SCAPER: variants seen among roughly 807,000 people sequenced by gnomAD.
SCAPER encodes S phase cyclin A-associated protein in the endoplasmic reticulum.
SCAPER carries 98 observed loss-of-function variants against 182.2 expected under a neutral mutation model. The ratio of observed to expected loss-of-function variants is 0.54; its 90% confidence interval spans 0.46 to 0.64. SCAPER has a LOEUF of 0.64. Ranked by LOEUF, SCAPER falls within the 30% of genes least tolerant of loss-of-function variation. The pLI is 0.00. For missense variants in SCAPER, 1,432 were observed against 1,690.0 expected (o/e 0.85, Z 2.68); for synonymous variants, 605 against 564.6 (o/e 1.07, Z -1.01).
chr15:76,785,545 A>C (rs577972961), intron 8 of SCAPER, among the ~76,000 whole-genome samples: 1 of 152,264 alleles, frequency 6.6e-6, no homozygotes, highest in Non-Finnish European at 1.5e-5. Context: ...CCAAAGGATT[A>C]GAAATCATGC....
chr15:76,584,252 G>A lies in SCAPER; in HGVS notation c.2712-9968C>T, dbSNP rs992026989. ...AATTCATGGAGATAGAGAGTAGATC[G>A]ATGGTTACCAGAGGCTGGTAAGGGT... On this transcript the variant is annotated intron_variant, in intron 22 of 31. Transcript: ENST00000563290. Among the ~76,000 whole-genome samples the A allele has an allele frequency of 6.0e-5, 9 of 150,142 alleles. No individual in the cohort carries two copies. The East Asian group carries it at 7.7e-4, about 13-fold the overall frequency.
intron 24 of SCAPER, among the ~76,000 whole-genome samples, chr15:76,478,924 T>C (rs565580390): frequency 2.1e-3 from 316 of 152,318 alleles, no homozygotes; most frequent in South Asian, 4.8e-3. Context: ...ATAACCTTTA[T>C]TTTTAATTTT....
chr15:76,637,722 T>TTATATATATATATATA (rs369760680), intron 21 of SCAPER, among the ~76,000 whole-genome samples: 21 of 77,856 alleles, frequency 2.7e-4, no homozygotes, highest in African/African-American at 9.5e-4. Flanking sequence ...ATATATGTGA[T>TTATATATATATATATA]TATATATATA....
chr15:76,641,114 C>T (rs1226440003), intron 21 of SCAPER, among the ~76,000 whole-genome samples: 4 of 152,258 alleles, frequency 2.6e-5, no homozygotes, highest in African/African-American at 9.6e-5. Context: ...CTGGTCTAAC[C>T]GGTTGTCTAG....
At chr15:76,798,791 T>A (rs987145594) in intron 7 of SCAPER, among the ~76,000 whole-genome samples, 1 of 152,086 alleles carries the variant, frequency 6.6e-6, no homozygotes, top group East Asian at 1.9e-4. Flanking sequence ...GAATTCTACA[T>A]ACTACAAAAC....
chr15:76,429,635 GTA>G (rs1335417192), intron 26 of SCAPER, among the ~76,000 whole-genome samples: 2 of 152,080 alleles, frequency 1.3e-5, no homozygotes, highest in Non-Finnish European at 2.9e-5. Flanking sequence ...ATGATTTAGG[GTA>G]TCTGGCAGAA....
intron 26 of SCAPER, among the ~76,000 whole-genome samples, chr15:76,424,725 C>T (rs2046301399): frequency 6.6e-6 from 1 of 152,170 alleles, no homozygotes; most frequent in East Asian, 1.9e-4. Flanking sequence ...ATGGTCTTTA[C>T]AATTTGGCAT....
intron 22 of SCAPER, among the ~76,000 whole-genome samples, chr15:76,616,036 G>T (rs1481225409): frequency 6.6e-6 from 1 of 152,002 alleles, no homozygotes; most frequent in Non-Finnish European, 1.5e-5. Context: ...TGTAAAAAAT[G>T]GTATAGCTAC....
chr15:76,604,271 T>C lies in SCAPER; in HGVS notation c.2711+17493A>G, dbSNP rs1184638341. ...TAGCCAGTTTGCCCAGCACCATTTA[T>C]TAAATAGGGAATCCTTTCCCTATTG... On this transcript the variant is annotated intron_variant, in intron 22 of 31. Transcript: ENST00000563290. Among the ~76,000 whole-genome samples the C allele has an allele frequency of 4.1e-5, 5 of 121,348 alleles. 1 individual carries two copies. Among genetic ancestry groups the C allele is most frequent in the Non-Finnish European group, 1.0e-4 (5 of 49,968 alleles). The allele number at this position is 121,348 out of a possible 152,430, so 79.6% of individuals were successfully genotyped here. A position where few individuals can be genotyped will look rare whatever the true frequency, so the allele number is the denominator to read the frequency against.
intron 22 of SCAPER, among the ~76,000 whole-genome samples, chr15:76,593,500 T>A (rs977542462): frequency 2.5e-5 from 3 of 121,042 alleles, no homozygotes; most frequent in African/African-American, 7.6e-5. Flanking sequence ...CTCAAGTGGG[T>A]CCCTGATCCC....
At chr15:76,639,062 T>C (rs939927671) in intron 21 of SCAPER, among the ~76,000 whole-genome samples, 1 of 152,070 alleles carries the variant, frequency 6.6e-6, no homozygotes, top group African/African-American at 2.4e-5. Context: ...AAAGGAAGAA[T>C]AAATAGGAGA....
chr15:76,531,351 A>G (rs753240371), intron 23 of SCAPER, among the ~76,000 whole-genome samples: 15 of 152,164 alleles, frequency 9.9e-5, no homozygotes, highest in African/African-American at 3.1e-4. Flanking sequence ...AGACTGAAAC[A>G]TAACTCCTGG....
chr15:76,688,843 CTT>C (rs71143353), intron 20 of SCAPER, among the ~76,000 whole-genome samples: 8 of 92,394 alleles, frequency 8.7e-5, no homozygotes, highest in African/African-American at 2.0e-4. Flanking sequence ...AAATGCCTCT[CTT>C]TTTTTTTTTT....
intron 21 of SCAPER, among the ~76,000 whole-genome samples, chr15:76,634,918 T>C (rs889818034): frequency 3.9e-5 from 6 of 152,070 alleles, no homozygotes; most frequent in African/African-American, 1.2e-4. Flanking sequence ...ATGTAGTAGA[T>C]AGGTTCTTGA....
At chr15:76,382,401 GT>G (rs2043008468) in intron 27 of SCAPER, among the ~76,000 whole-genome samples, 1 of 146,186 alleles carries the variant, frequency 6.8e-6, no homozygotes, top group Non-Finnish European at 1.5e-5. Context: ...CTTTTCACAG[GT>G]GTTAAAAAAA....
At chr15:76,652,509 T>TTTACA (rs2055238383) in intron 21 of SCAPER, among the ~76,000 whole-genome samples, 1 of 42,606 alleles carries the variant, frequency 2.3e-5, no homozygotes, top group African/African-American at 8.2e-5. Flanking sequence ...ATATATATAT[T>TTTACA]TACATACATA....
intron 4 of SCAPER, 72 bp downstream of exon 4, chr15:76,857,736 AT>A: frequency 1.0e-6 from 1 of 980,820 alleles, no homozygotes; most frequent in Middle Eastern, 3.2e-4. Context: ...GCAAAATAAG[AT>A]TTTCATAATT....
intron 20 of SCAPER, among the ~76,000 whole-genome samples, chr15:76,692,269 G>A (rs1425464534): frequency 1.3e-5 from 2 of 152,132 alleles, no homozygotes; most frequent in Non-Finnish European, 2.9e-5. Context: ...GAAAATGAGT[G>A]GAAGTGAGTA....
chr15:76,840,991 C>A (rs927236015), intron 5 of SCAPER, among the ~76,000 whole-genome samples: 18 of 152,278 alleles, frequency 1.2e-4, no homozygotes, highest in Non-Finnish European at 2.5e-4. Flanking sequence ...ATAAGTATCT[C>A]AATGGAAAGG....
Sources: allele counts gnomAD v4.1 joint callset (sites outside exome capture counted in the v4.1 genomes callset), GRCh38; gene constraint gnomAD v4.1.1; transcripts MANE v1.5; gene names NCBI Gene and HGNC (gene_info 2026-07-23, HGNC 2026-07-21).